Variants in UBA5 observed in about 807,000 individuals in gnomAD.
UBA5 encodes the protein ubiquitin like modifier activating enzyme 5, also known as ubiquitin-like modifier-activating enzyme 5.
UBA5 carries 28 observed loss-of-function variants against 52.9 expected under a neutral mutation model. The ratio of observed to expected loss-of-function variants is 0.53; its 90% CI spans 0.39 to 0.73. The LOEUF (loss-of-function observed/expected upper bound fraction) is 0.73, where lower values mean the gene tolerates loss of function less well. Among genes scored for constraint, UBA5 ranks in the 30% least tolerant of loss-of-function variants. The pLI is 0.00. For missense variants in UBA5, 388 were observed against 492.7 expected (o/e 0.79, Z 2.01); for synonymous variants, 135 against 162.1 (o/e 0.83, Z 1.27).
At chr3:132,654,616 C>T (rs758834494) in exon 1 of UBA5, 1 of 152,226 alleles carries the variant, frequency 6.6e-6, no homozygotes, top group African/African-American at 2.4e-5. Flanking sequence ...TCTGAGGCCT[C>T]CTTTCCTTTG....
intron 3 of UBA5, chr3:132,667,980 A>T (rs1025205061): frequency 1.3e-5 from 2 of 151,974 alleles, no homozygotes; most frequent in South Asian, 2.1e-4. Flanking sequence ...GTTATGGGTT[A>T]GGTTAATTTT....
At chr3:132,666,211 G>C (rs1033046139) in intron 3 of UBA5, 138 bp downstream of exon 3, 1 of 672,470 alleles carries the variant, frequency 1.5e-6, no homozygotes, top group East Asian at 2.7e-5. Context: ...TTTCTACTCG[G>C]GTTGAGACAT....
rs1446938960 is a variant in UBA5 at position 132,678,060 on chromosome 3, G to C, written c.*1534G>C. Reference sequence around the variant, plus strand: ...TTGGAAATTCTTGCATATCAATTTAGTAAGGTTTTATAAAATTTTACAATT... The same window carrying C: ...TTGGAAATTCTTGCATATCAATTTACTAAGGTTTTATAAAATTTTACAATT... On this transcript the variant is annotated 3_prime_UTR_variant, in exon 12 of 12. Transcript: ENST00000356232. The C allele has an allele frequency of 6.6e-6, 1 of 152,134 alleles. No homozygotes were observed. The highest frequency in any genetic ancestry group is 1.5e-5 in the Non-Finnish European group (1 of 68,002). The allele number at this position is 152,134 out of a possible 1,614,324, so 9.4% of individuals were successfully genotyped here. A position where few individuals can be genotyped will look rare whatever the true frequency, so the allele number is the denominator to read the frequency against.
Position 132,676,300 on chromosome 3 carries a change from T to A in UBA5, c.1132-143T>A. On this transcript the variant is annotated intron_variant, in intron 11 of 11. Coordinates refer to ENST00000356232, the MANE Select transcript of UBA5 (RefSeq NM_024818.6). This position sits in a 1 kb window ranked among gnomAD's most constrained non-coding sequence, Gnocchi z 4.1. ...GGAATGTAAAAGACTCTGTCTTTCT[T>A]CTAAAAATTAGAAGATAGTTGTTAA... 1 of 635,954 alleles carries A rather than the reference T, an allele frequency of 1.6e-6. No homozygotes were observed. The highest frequency in any genetic ancestry group is 2.8e-4 in the Middle Eastern group (1 of 3,548). 39.4% of individuals were successfully genotyped at this position (635,954 alleles called of 1,614,324 possible).
At position 132,673,140 on chromosome 3, in the gene UBA5, T is replaced by C. The variant is rs150828846; in HGVS notation, c.812+963T>C. ...AAGAGCAAATAGCCTGTTTAGACAG[T>C]AGTAGGCCCTGTCTAAACAAAACAT... is the stretch of plus-strand genomic sequence containing the variant. On this transcript the variant is annotated intron_variant, in intron 8 of 11. Transcript: ENST00000356232. Among the ~76,000 whole-genome samples, 182 of 152,256 alleles carry C rather than the reference T, an allele frequency of 1.2e-3. 1 individual carries two copies. Among genetic ancestry groups the C allele is most frequent in the African/African-American group, 3.8e-3 (156 of 41,540 alleles).
chr3:132,668,841 G>C lies in UBA5; in HGVS notation c.321G>C (p.Lys107Asn). 6.2e-7 allele frequency: 1 copy of C among 1,606,104 alleles called. No individual in the cohort carries two copies. Among genetic ancestry groups the C allele is most frequent in the South Asian group, 1.1e-5 (1 of 88,980 alleles). ...IGKLLLFDYD[K>N]VELANMNRLF... ...AGTTGCTACTCTTTGATTATGACAA[G>C]GTGGAACTAGCCAATATGAATAGAC... Residue 107 changes from lysine to asparagine, a missense_variant, in exon 4 of 12, where the codon AAG (lysine) becomes AAC (asparagine). Physicochemically the swap from Lys to Asn is moderately conservative, Grantham distance 94. Coordinates refer to ENST00000356232, the MANE Select transcript of UBA5 (RefSeq NM_024818.6).
Position 132,678,137 on chromosome 3 carries a change from T to C in UBA5, c.*1611T>C, listed in dbSNP as rs1347389252. The C allele has an allele frequency of 1.3e-5, 2 of 152,230 alleles. No individual in the cohort carries two copies. The highest frequency in any genetic ancestry group is 2.9e-5 in the Non-Finnish European group (2 of 68,028). 9.4% of individuals were successfully genotyped at this position (152,230 alleles called of 1,614,324 possible). ...CTGTCTTCTTTTATCTGCTCTCAAG[T>C]TGGCATTGCATCACTGCCTGTGTCT... On this transcript the variant is annotated 3_prime_UTR_variant, in exon 12 of 12. Coordinates refer to ENST00000356232, the MANE Select transcript of UBA5 (RefSeq NM_024818.6).
chr3:132,659,689 G>A (rs962159156), upstream of UBA5: 4 of 1,611,838 alleles, frequency 2.5e-6, no homozygotes, highest in Non-Finnish European at 3.4e-6. Flanking sequence ...GGGACTTGCT[G>A]TCGAACTTGT....
At chr3:132,661,718 T>TA (rs1339650763) in intron 1 of UBA5, among the ~76,000 whole-genome samples, 2 of 152,210 alleles carry the variant, frequency 1.3e-5, no homozygotes, top group East Asian at 3.8e-4. Context: ...GTCTCCCCAG[T>TA]AAAAACAATT....
At chr3:132,671,114 T>C in intron 6 of UBA5, 65 bp downstream of exon 6, 1 of 1,341,246 alleles carries the variant, frequency 7.5e-7, no homozygotes, top group Non-Finnish European at 1.1e-6. Context: ...ATTCTATCAG[T>C]ATATAATCCC....
rs1340896142 is a variant in UBA5, at chr3:132,676,895, G to A, written c.*369G>A. ...GTTGCATGAGGACATGGACAATAAA[G>A]TAGTATATGATCCTCAGATACAGGG... is the stretch of plus-strand genomic sequence containing the variant. On this transcript the variant is annotated 3_prime_UTR_variant, in exon 12 of 12. Transcript: ENST00000356232. This position sits in a 1 kb window ranked among gnomAD's most constrained non-coding sequence, Gnocchi z 4.1. The A allele has an allele frequency of 2.2e-6, 1 of 457,590 alleles. No homozygotes were observed. Among genetic ancestry groups the A allele is most frequent in the Admixed American group, 2.3e-5 (1 of 42,624 alleles). 28.3% of individuals were successfully genotyped at this position (457,590 alleles called of 1,614,324 possible). A position where few individuals can be genotyped will look rare whatever the true frequency, so the allele number is the denominator to read the frequency against.
upstream of UBA5, chr3:132,659,721 A>C (rs1938031106): frequency 6.2e-7 from 1 of 1,609,002 alleles, no homozygotes; most frequent in Non-Finnish European, 8.5e-7. Flanking sequence ...ACTTCGGCCA[A>C]ATCGGACTCG....
intron 8 of UBA5, among the ~76,000 whole-genome samples, chr3:132,674,150 ATTTTTC>A (rs1938728715): frequency 6.6e-6 from 1 of 151,948 alleles, no homozygotes; most frequent in South Asian, 2.1e-4. Context: ...CAGGCATTTA[ATTTTTC>A]TTTTTATTTG....
chr3:132,658,411 T>A (rs556717414), upstream of UBA5, among the ~76,000 whole-genome samples: 1 of 152,364 alleles, frequency 6.6e-6, no homozygotes, highest in South Asian at 2.1e-4. Context: ...GGTTTAACAT[T>A]CAGCTTGGTT....
intron 6 of UBA5, 135 bp from the exon 7 acceptor site, chr3:132,671,642 C>A: frequency 1.5e-6 from 1 of 651,008 alleles, no homozygotes; most frequent in Non-Finnish European, 2.6e-6. Context: ...ATTCCATTAT[C>A]TTACAACTTG....
At chr3:132,656,401 G>C (rs1937802882), upstream of UBA5, among the ~76,000 whole-genome samples, 1 of 152,038 alleles carries the variant, frequency 6.6e-6, no homozygotes, top group Admixed American at 6.5e-5. Flanking sequence ...ATTTTTACAA[G>C]ATCATGTTGA....
At position 132,673,218 on chromosome 3, in the gene UBA5, C is replaced by T. The variant is rs139927261; in HGVS notation, c.812+1041C>T. Among the ~76,000 whole-genome samples, 181 of 152,168 alleles carry T rather than the reference C, an allele frequency of 1.2e-3. 1 individual carries two copies. Among genetic ancestry groups the T allele is most frequent in the African/African-American group, 3.7e-3 (155 of 41,496 alleles). ...AAGAATCATGGCTAACAAAGTATTC[C>T]CTTAAGGATGTGTCCTATTTAGCTA... On this transcript the variant is annotated intron_variant, in intron 8 of 11. Transcript: ENST00000356232.
At position 132,676,068 on chromosome 3, in the gene UBA5, T is replaced by G; in HGVS notation, c.1131+145T>G. 1.6e-6 allele frequency: 1 copy of G among 623,026 alleles called. No homozygotes were observed. The highest frequency in any genetic ancestry group is 2.8e-6 in the Non-Finnish European group (1 of 362,510). The allele number at this position is 623,026 out of a possible 1,614,324, so 38.6% of individuals were successfully genotyped here. On this transcript the variant is annotated intron_variant, in intron 11 of 11. Transcript: ENST00000356232. The surrounding 1 kb of genome is among the most constrained non-coding windows in gnomAD (Gnocchi z 4.1). Reference sequence around the variant, plus strand: ...TAAGATGTGAGAGAGAGGTATGCAGTGTTAATATGCAAATATTTATAGCTT... The same window carrying G: ...TAAGATGTGAGAGAGAGGTATGCAGGGTTAATATGCAAATATTTATAGCTT...
chr3:132,666,727 C>T (rs187338344), intron 3 of UBA5, among the ~76,000 whole-genome samples: 1 of 152,180 alleles, frequency 6.6e-6, no homozygotes, highest in Non-Finnish European at 1.5e-5. Context: ...TGTTGGTCTA[C>T]CCCAAATTCT....
Sources: gnomAD v4.1 joint callset for allele counts (sites outside exome capture counted in the v4.1 genomes callset) on GRCh38, gnomAD v4.1.1 for gene constraint, Gnocchi (gnomAD v3.1) non-coding constraint, MANE v1.5 for transcripts, NCBI Gene and HGNC (gene_info 2026-07-23, HGNC 2026-07-21) for gene names.